Variants in PLXNA2 observed in about 807,000 individuals in gnomAD.
The protein encoded by PLXNA2 is plexin-A2.
In PLXNA2, 91 loss-of-function variants were observed where a neutral mutation model predicts 193.5. That is an observed-to-expected ratio of 0.47 (90% confidence interval 0.40 to 0.56). The LOEUF (loss-of-function observed/expected upper bound fraction) is 0.56. Ranked by LOEUF, PLXNA2 falls within the 20% of genes least tolerant of loss-of-function variation. The probability of loss-of-function intolerance (pLI) is 0.00; values close to 1 mark genes in which losing one functional copy is unlikely to be tolerated. For synonymous variants in PLXNA2, 997 were observed against 1,027.3 expected (o/e 0.97, Z 0.56); for missense variants, 1,995 against 2,503.2 (o/e 0.80, Z 4.33).
intron 4 of PLXNA2, among the ~76,000 whole-genome samples, chr1:208,118,052 A>G (rs532516962): frequency 1.3e-5 from 2 of 152,334 alleles, no homozygotes; most frequent in Non-Finnish European, 2.9e-5. Flanking sequence ...GAGACAGCAG[A>G]AAGCTGCCTT....
chr1:208,228,433 C>T (rs1671583658), intron 1 of PLXNA2, among the ~76,000 whole-genome samples: 1 of 152,186 alleles, frequency 6.6e-6, no homozygotes, highest in African/African-American at 2.4e-5. Context: ...GTGACATTGT[C>T]ACCATCCAGG....
intron 4 of PLXNA2, among the ~76,000 whole-genome samples, chr1:208,107,024 G>A (rs546076670): frequency 7.9e-5 from 12 of 152,340 alleles, no homozygotes; most frequent in South Asian, 4.1e-4. Flanking sequence ...GGGAAGAACT[G>A]CAAAGACCAC....
intron 4 of PLXNA2, among the ~76,000 whole-genome samples, chr1:208,120,382 T>C (rs1489122631): frequency 6.6e-6 from 1 of 152,116 alleles, no homozygotes; most frequent in African/African-American, 2.4e-5. Flanking sequence ...GGGTGAAGCT[T>C]TCTGAAGACA....
chr1:208,210,817 C>T (rs1347844013), intron 2 of PLXNA2, among the ~76,000 whole-genome samples: 3 of 152,160 alleles, frequency 2.0e-5, no homozygotes, highest in African/African-American at 7.2e-5. Flanking sequence ...TCTGTGGGAT[C>T]TTTCTATTTC....
rs957059507 is a variant in PLXNA2, at chr1:208,142,379, T to C, written c.1456A>G (p.Met486Val). ...TAGCGCTGATCAATGGAGAAGGCCA[T>C]GTCCCGGAGGATGGGGCTTCCGTCC... ...LKDGSPILRDMAFSIDQRYLY... is the reference protein window; with the variant it reads ...LKDGSPILRDVAFSIDQRYLY... The change falls in exon 4 of 32, where the codon ATG (methionine) becomes GTG (valine). Residue 486 changes from methionine to valine, a missense_variant. By Grantham distance (21) the Met-to-Val change is conservative. Coordinates refer to ENST00000367033, the MANE Select transcript of PLXNA2 (RefSeq NM_025179.4). 6.2e-7 allele frequency: 1 copy of C among 1,613,858 alleles called. No individual in the cohort carries two copies. The highest frequency in any genetic ancestry group is 1.3e-5 in the African/African-American group (1 of 74,946).
In PLXNA2 at chr1:208,034,551, G is replaced by A. The variant is rs373970410; in HGVS notation, c.4806C>T (p.Thr1602=). Residue 1602 remains threonine, a synonymous_variant, in exon 27 of 32, where the codon ACC becomes ACT. Coordinates refer to ENST00000367033, the MANE Select transcript of PLXNA2 (RefSeq NM_025179.4). The part of the protein sequence containing the change: ...RSVVALVPKQ[T]SSYNIPASAS... ...CAGAGGCAGGGATGTTGTAGGAGGA[G>A]GTCTGTTTGGGGACCAGAGCCACCA... 6.2e-7 allele frequency: 1 copy of A among 1,614,032 alleles called. No individual in the cohort carries two copies.
intron 3 of PLXNA2, among the ~76,000 whole-genome samples, chr1:208,148,617 T>G (rs553111318): frequency 1.7e-4 from 26 of 152,332 alleles, no homozygotes; most frequent in Middle Eastern, 6.8e-3. Flanking sequence ...TACCATGAGC[T>G]AGGCCTGCGT....
rs559341059 is a variant in PLXNA2, at chr1:208,236,753, C to T, written c.-81+6890G>A. ...AAGCGGAAATGACGGCTAGGAAAGG[C>T]TCTAGAGACTGGAATCTAGTGGTTC... On this transcript the variant is annotated intron_variant, in intron 1 of 31. Coordinates refer to ENST00000367033, the MANE Select transcript of PLXNA2 (RefSeq NM_025179.4). This position sits in a 1 kb window ranked among gnomAD's most constrained non-coding sequence, Gnocchi z 4.4. Among the ~76,000 whole-genome samples the T allele has an allele frequency of 6.6e-6, 1 of 152,358 alleles. No individual in the cohort carries two copies. The highest frequency in any genetic ancestry group is 1.9e-4 in the East Asian group (1 of 5,188).
rs1296613213 is a variant in PLXNA2 at position 208,033,414 on chromosome 1, G to A, written c.4960C>T (p.Leu1654=). The change falls in exon 28 of 32, where the codon CTG becomes TTG. Residue 1654 remains leucine, a synonymous_variant. Transcript: ENST00000367033. ...TCACCGTGGTCATGGTTCTTCACCA[G>A]ATGCCACACCTTGACCCCACTTTCC... The part of the protein sequence containing the change: ...DLESGVKVWH[L]VKNHDHGDQK... 6.2e-7 allele frequency: 1 copy of A among 1,614,206 alleles called. No homozygotes were observed. Among genetic ancestry groups the A allele is most frequent in the African/African-American group, 1.3e-5 (1 of 75,050 alleles).
At chr1:208,085,805 A>C (rs1213948311) in intron 9 of PLXNA2, among the ~76,000 whole-genome samples, 1 of 152,126 alleles carries the variant, frequency 6.6e-6, no homozygotes, top group Non-Finnish European at 1.5e-5. Context: ...ATGTATGGTT[A>C]ACTCTGAGAT....
chr1:208,165,953 T>C (rs1295004961), intron 3 of PLXNA2, among the ~76,000 whole-genome samples: 1 of 152,218 alleles, frequency 6.6e-6, no homozygotes, highest in Non-Finnish European at 1.5e-5. Flanking sequence ...TTTGACTTCC[T>C]GCTACAGCTG....
intron 4 of PLXNA2, among the ~76,000 whole-genome samples, chr1:208,106,304 T>C (rs546803320): frequency 4.3e-4 from 65 of 152,356 alleles, no homozygotes; most frequent in Non-Finnish European, 8.4e-4. Context: ...TATATTCATT[T>C]GTCAGTCAAT....
intron 4 of PLXNA2, among the ~76,000 whole-genome samples, chr1:208,139,829 T>G (rs1668411402): frequency 6.6e-6 from 1 of 152,194 alleles, no homozygotes; most frequent in Non-Finnish European, 1.5e-5. Flanking sequence ...CAGATGGGCC[T>G]CCTGAGCTGT....
At chr1:208,071,926 A>C (rs1665991181) in intron 12 of PLXNA2, among the ~76,000 whole-genome samples, 1 of 152,198 alleles carries the variant, frequency 6.6e-6, no homozygotes, top group Non-Finnish European at 1.5e-5. Flanking sequence ...CCTTGCAGAT[A>C]AATACTTTTA....
chr1:208,045,609 C>T (rs953827912), intron 18 of PLXNA2, among the ~76,000 whole-genome samples: 1 of 152,176 alleles, frequency 6.6e-6, no homozygotes, highest in South Asian at 2.1e-4. Flanking sequence ...GAAACAGTTA[C>T]TCCCAACTCA....
rs533110253 is a variant in PLXNA2 at position 208,209,546 on chromosome 1, C to T, written c.1371+734G>A. ...CCAGATTGTGCGCCCTCTCTGCACC[C>T]TAGGCACTAGACAAGCTGGTACAAG... On this transcript the variant is annotated intron_variant, in intron 3 of 31. Transcript: ENST00000367033. 1.5e-3 allele frequency among the ~76,000 whole-genome samples: 221 copies of T among 152,318 alleles called. 1 individual carries two copies. Among genetic ancestry groups the T allele is most frequent in the Middle Eastern group, 6.8e-3 (2 of 294 alleles).
chr1:208,136,499 G>A (rs975794777), intron 4 of PLXNA2, among the ~76,000 whole-genome samples: 3 of 152,168 alleles, frequency 2.0e-5, no homozygotes, highest in African/African-American at 7.2e-5. Flanking sequence ...TTCTGGCCCG[G>A]TGTCCATGCA....
intron 3 of PLXNA2, among the ~76,000 whole-genome samples, chr1:208,198,676 A>G (rs1201320684): frequency 6.6e-6 from 1 of 152,204 alleles, no homozygotes; most frequent in African/African-American, 2.4e-5. Context: ...TTCACTCAAA[A>G]GGGTGCAAAG....
At chr1:208,195,593 A>T (rs1670330552) in intron 3 of PLXNA2, among the ~76,000 whole-genome samples, 1 of 146,156 alleles carries the variant, frequency 6.8e-6, no homozygotes, top group Non-Finnish European at 1.5e-5. Context: ...AGATTCAGGC[A>T]TCTGCCATTC....
Sources: gnomAD v4.1 joint callset for allele counts (sites outside exome capture counted in the v4.1 genomes callset) on GRCh38, gnomAD v4.1.1 for gene constraint, Gnocchi (gnomAD v3.1) non-coding constraint, MANE v1.5 for transcripts, NCBI Gene and HGNC (gene_info 2026-07-23, HGNC 2026-07-21) for gene names.